TRPC5: variants seen among roughly 807,000 people sequenced by gnomAD.
TRPC5 encodes the protein transient receptor potential cation channel subfamily C member 5.
A neutral mutation model predicts 56.5 loss-of-function variants in TRPC5; 9 were observed. The observed-to-expected ratio is 0.16, with a 90% CI of 0.10 to 0.28. The LOEUF is 0.28. Among genes scored for constraint, TRPC5 ranks in the 10% least tolerant of loss-of-function variants. The pLI is 1.00. For missense variants in TRPC5, 469 were observed against 748.9 expected (o/e 0.63, Z 4.36); for synonymous variants, 282 against 278.5 (o/e 1.01, Z -0.13).
chrX:111,967,804 C>T (rs1159074885), intron 1 of TRPC5, among the ~76,000 whole-genome samples: 1 of 111,819 alleles, frequency 8.9e-6, no homozygotes, highest in East Asian at 2.8e-4. Context: ...CTTCCTTACA[C>T]CTTATACAAA....
At chrX:112,012,800 A>G (rs1929025250) in intron 1 of TRPC5, among the ~76,000 whole-genome samples, 1 of 111,476 alleles carries the variant, frequency 9.0e-6, no homozygotes, top group Admixed American at 9.6e-5. Flanking sequence ...TTCACCTTCA[A>G]AAGTTTAAAG....
At chrX:111,901,268 C>T (rs1925329210) in intron 3 of TRPC5, among the ~76,000 whole-genome samples, 1 of 111,193 alleles carries the variant, frequency 9.0e-6, no homozygotes. Flanking sequence ...TGAGTGTATC[C>T]TTCCTCAAAA....
At chrX:111,970,712 C>T (rs1172408181) in intron 1 of TRPC5, among the ~76,000 whole-genome samples, 3 of 109,956 alleles carry the variant, frequency 2.7e-5, no homozygotes, top group Non-Finnish European at 5.7e-5. Context: ...AATTAGGAGA[C>T]GTGGATTGTA....
chrX:111,797,696 G>C (rs191550580), intron 7 of TRPC5, among the ~76,000 whole-genome samples: 1 of 111,215 alleles, frequency 9.0e-6, no homozygotes, highest in East Asian at 2.8e-4. Context: ...ATTTTGATGT[G>C]GCTCAATTTA....
intron 7 of TRPC5, among the ~76,000 whole-genome samples, chrX:111,787,628 G>T (rs1388399134): frequency 1.8e-5 from 2 of 109,670 alleles, no homozygotes; most frequent in Non-Finnish European, 3.8e-5. Flanking sequence ...CCAGAAGCTG[G>T]TTTTTTGAAA....
intron 3 of TRPC5, among the ~76,000 whole-genome samples, chrX:111,883,595 C>T (rs749412884): frequency 5.3e-4 from 59 of 111,870 alleles, no homozygotes; most frequent in Non-Finnish European, 7.7e-4. Context: ...AGAGCCTGTC[C>T]GAATTTTGAT....
intron 3 of TRPC5, among the ~76,000 whole-genome samples, chrX:111,906,573 G>A (rs1925634914): frequency 9.0e-6 from 1 of 111,158 alleles, no homozygotes; most frequent in African/African-American, 3.3e-5. Context: ...AATCAGCTCT[G>A]TTGCAGCACA....
At chrX:111,891,381 A>AT (rs766510573) in intron 3 of TRPC5, among the ~76,000 whole-genome samples, 114 of 111,203 alleles carry the variant, frequency 1.0e-3, no homozygotes, top group African/African-American at 2.6e-3. Context: ...AGCATCTGTT[A>AT]TTTTTTGACT....
chrX:111,931,870 G>A (rs770941522), intron 2 of TRPC5, among the ~76,000 whole-genome samples: 10 of 111,670 alleles, frequency 9.0e-5, no homozygotes, highest in Non-Finnish European at 1.3e-4. Context: ...TGTGGGTATC[G>A]AATAAGATAA....
intron 7 of TRPC5, among the ~76,000 whole-genome samples, chrX:111,829,276 C>T (rs139642580): frequency 0.04 from 3,638 of 89,974 alleles, 88 homozygotes; most frequent in Middle Eastern, 0.064. Context: ...CACTCCGGCC[C>T]GGGCGACAGT....
chrX:111,829,647 T>C (rs1463716216), intron 7 of TRPC5, among the ~76,000 whole-genome samples: 1 of 112,853 alleles, frequency 8.9e-6, no homozygotes. Context: ...CAGCTTGGGC[T>C]GTGGCTTTAG....
intron 1 of TRPC5, among the ~76,000 whole-genome samples, chrX:111,966,334 T>A: frequency 9.0e-6 from 1 of 111,508 alleles, no homozygotes; most frequent in Non-Finnish European, 1.9e-5. Context: ...GTGGCAATAA[T>A]CAATAGCTTA....
chrX:111,826,233 TCTAAA>T (rs920686735), intron 7 of TRPC5, among the ~76,000 whole-genome samples: 2 of 112,198 alleles, frequency 1.8e-5, no homozygotes, highest in African/African-American at 6.5e-5. Context: ...GACTTTTCCC[TCTAAA>T]CTAGACTACA....
chrX:111,807,507 C>T (rs1253922614), intron 7 of TRPC5, among the ~76,000 whole-genome samples: 1 of 112,446 alleles, frequency 8.9e-6, no homozygotes, highest in Admixed American at 9.4e-5. Flanking sequence ...TCCCTCAAAA[C>T]AGCTATTTTG....
intron 1 of TRPC5, among the ~76,000 whole-genome samples, chrX:111,998,579 G>A (rs921408601): frequency 2.7e-5 from 3 of 111,845 alleles, no homozygotes; most frequent in South Asian, 3.7e-4. Context: ...CTGTATCCAC[G>A]GATTCTCAAA....
At chrX:111,943,576 G>A (rs1428871388) in intron 2 of TRPC5, among the ~76,000 whole-genome samples, 1 of 112,442 alleles carries the variant, frequency 8.9e-6, no homozygotes, top group East Asian at 2.8e-4. Context: ...AATTATGGAA[G>A]AGCCCAGAGG....
chrX:111,999,449 C>T (rs1928638260), intron 1 of TRPC5, among the ~76,000 whole-genome samples: 1 of 111,569 alleles, frequency 9.0e-6, no homozygotes, highest in African/African-American at 3.3e-5. Context: ...GACAGGATTT[C>T]ATTCTTTTTC....
chrX:111,976,541 G>GA (rs1192181892), intron 1 of TRPC5, among the ~76,000 whole-genome samples: 1 of 111,441 alleles, frequency 9.0e-6, no homozygotes, highest in African/African-American at 3.3e-5. Context: ...AATCAATGGG[G>GA]AAAAACTGAA....
intron 2 of TRPC5, among the ~76,000 whole-genome samples, chrX:111,944,269 T>A (rs955213866): frequency 1.7e-4 from 10 of 57,792 alleles, no homozygotes; most frequent in Non-Finnish European, 2.9e-4. Context: ...AGTAGAAGAG[T>A]GTGTGTGTGT....
Sources: gnomAD v4.1 joint callset for allele counts (sites outside exome capture counted in the v4.1 genomes callset) on GRCh38, gnomAD v4.1.1 for gene constraint, MANE v1.5 for transcripts, NCBI Gene and HGNC (gene_info 2026-07-23, HGNC 2026-07-21) for gene names.